Variants in TAFA1 observed in about 807,000 individuals in gnomAD.
TAFA1 encodes TAFA chemokine like family member 1.
A neutral mutation model predicts 18.5 loss-of-function variants in TAFA1; 4 were observed. The ratio of observed to expected loss-of-function variants is 0.22; its 90% CI spans 0.11 to 0.49. The LOEUF (loss-of-function observed/expected upper bound fraction) is 0.49, where lower values mean the gene tolerates loss of function less well. TAFA1 is among the 20% of genes least tolerant of loss of function. The pLI, the probability that TAFA1 is intolerant of heterozygous loss-of-function variation, is 0.98. For synonymous variants in TAFA1, 56 were observed against 55.2 expected, an observed-to-expected ratio of 1.01 and a Z score of -0.06; for missense variants, 147 against 169.0, an observed-to-expected ratio of 0.87 and a Z score of 0.72.
intron 2 of TAFA1, among the ~76,000 whole-genome samples, chr3:68,114,255 G>A (rs1016309740): frequency 5.9e-5 from 9 of 152,002 alleles, no homozygotes; most frequent in East Asian, 1.9e-4. Context: ...GAGTGAGGCC[G>A]TCCTAGACCA....
At chr3:68,370,472 G>GTATGTA (rs2069676552) in intron 2 of TAFA1, among the ~76,000 whole-genome samples, 1 of 33,044 alleles carries the variant, frequency 3.0e-5, no homozygotes, top group African/African-American at 1.3e-4. Context: ...GTGTGTGTGT[G>GTATGTA]TATATATATA....
intron 2 of TAFA1, among the ~76,000 whole-genome samples, chr3:68,267,352 G>A (rs1326092658): frequency 1.3e-5 from 2 of 152,106 alleles, no homozygotes; most frequent in Non-Finnish European, 2.9e-5. Flanking sequence ...TTCTACTTAG[G>A]TTCCATGGTT....
chr3:68,448,461 C>T (rs1040588708), intron 3 of TAFA1, among the ~76,000 whole-genome samples: 12 of 152,088 alleles, frequency 7.9e-5, no homozygotes, highest in Admixed American at 2.0e-4. Context: ...ATTAATACGA[C>T]GACTGTACTG....
At chr3:68,041,931 G>C (rs1044796555) in intron 2 of TAFA1, among the ~76,000 whole-genome samples, 7 of 151,000 alleles carry the variant, frequency 4.6e-5, no homozygotes, top group Non-Finnish European at 8.8e-5. Flanking sequence ...ACCTGGAGTA[G>C]AGATTGCAAA....
chr3:68,045,382 C>G (rs1441243061), intron 2 of TAFA1, among the ~76,000 whole-genome samples: 1 of 152,136 alleles, frequency 6.6e-6, no homozygotes, highest in African/African-American at 2.4e-5. Context: ...ACAAAGGTAT[C>G]TGGCAAAAGA....
chr3:68,403,291 A>G (rs1311931604), intron 2 of TAFA1, among the ~76,000 whole-genome samples: 1 of 152,214 alleles, frequency 6.6e-6, no homozygotes, highest in Admixed American at 6.5e-5. Flanking sequence ...ACTGTGTAGT[A>G]GACTGTATAG....
intron 3 of TAFA1, among the ~76,000 whole-genome samples, chr3:68,512,679 T>TG (rs2072866470): frequency 2.4e-5 from 2 of 82,926 alleles, no homozygotes; most frequent in African/African-American, 6.2e-5. Context: ...TTTTGCTGGT[T>TG]TTTTGTTTGT....
chr3:68,065,584 G>A (rs2064663607), intron 2 of TAFA1, among the ~76,000 whole-genome samples: 1 of 152,022 alleles, frequency 6.6e-6, no homozygotes, highest in Non-Finnish European at 1.5e-5. Context: ...TTTTGACTTA[G>A]AACTCACAAG....
intron 2 of TAFA1, among the ~76,000 whole-genome samples, chr3:68,279,548 T>C (rs2067860266): frequency 6.6e-6 from 1 of 152,156 alleles, no homozygotes; most frequent in Non-Finnish European, 1.5e-5. Flanking sequence ...AAGAGATTGA[T>C]GTAATAATAC....
At chr3:68,161,074 TTACTA>T (rs746658505) in intron 2 of TAFA1, among the ~76,000 whole-genome samples, 8 of 152,224 alleles carry the variant, frequency 5.3e-5, no homozygotes, top group Non-Finnish European at 1.0e-4. Context: ...ATAACTATAT[TTACTA>T]TACATATATG....
chr3:68,453,104 A>G (rs2071594770), intron 3 of TAFA1, among the ~76,000 whole-genome samples: 2 of 152,314 alleles, frequency 1.3e-5, no homozygotes, highest in South Asian at 4.2e-4. Context: ...ATTAATCTCC[A>G]GAGACATAAG....
rs140139653 is a variant in TAFA1 at position 68,258,306 on chromosome 3, G to T, written c.119-158974G>T. On this transcript the variant is annotated intron_variant, in intron 2 of 4. Transcript: ENST00000478136. ...CATTTTCCTTTAAATGGCTACATTG[G>T]TTTGGAAACCAGGGCTGACCTTTAG... 2.5e-3 allele frequency among the ~76,000 whole-genome samples: 380 copies of T among 152,214 alleles called. 2 individuals are homozygous for T. Among genetic ancestry groups the T allele is most frequent in the Middle Eastern group, 0.014 (4 of 294 alleles).
chr3:68,478,785 T>C (rs2072154251), intron 3 of TAFA1, among the ~76,000 whole-genome samples: 1 of 152,030 alleles, frequency 6.6e-6, no homozygotes, highest in Admixed American at 6.6e-5. Context: ...TTGAAAAAGG[T>C]ATGTGTTGTA....
At chr3:68,519,654 C>T (rs2072986686) in intron 3 of TAFA1, among the ~76,000 whole-genome samples, 1 of 152,142 alleles carries the variant, frequency 6.6e-6, no homozygotes, top group Admixed American at 6.5e-5. Context: ...GACCAAGTTG[C>T]CAGCATGGCC....
Position 68,233,183 on chromosome 3 carries a change from C to A in TAFA1, c.119-184097C>A, listed in dbSNP as rs192148061. On this transcript the variant is annotated intron_variant, in intron 2 of 4. Transcript: ENST00000478136. ...GAAATTTCTCTTCAGATACTTTGTC[C>A]ATTTTTTAATGAGTTTATTTAATTT... Among the ~76,000 whole-genome samples, 37 of 152,012 alleles carry A rather than the reference C, an allele frequency of 2.4e-4. No individual in the cohort carries two copies. The South Asian group carries it at 7.5e-3, about 31-fold the overall frequency.
intron 1 of TAFA1, among the ~76,000 whole-genome samples, chr3:68,005,972 C>G (rs1704349703): frequency 6.6e-6 from 1 of 152,102 alleles, no homozygotes; most frequent in African/African-American, 2.4e-5. Context: ...ACAATGGAAT[C>G]TTAGGAGGCT....
intron 2 of TAFA1, among the ~76,000 whole-genome samples, chr3:68,218,683 A>G (rs1575686816): frequency 6.6e-6 from 1 of 152,142 alleles, no homozygotes; most frequent in African/African-American, 2.4e-5. Flanking sequence ...AACTTGTAAG[A>G]AAGATCAAAA....
chr3:68,441,826 A>G (rs1356207208), intron 3 of TAFA1, among the ~76,000 whole-genome samples: 1 of 152,198 alleles, frequency 6.6e-6, no homozygotes, highest in African/African-American at 2.4e-5. Flanking sequence ...TGCAGGCACC[A>G]TCTGAAAGTG....
intron 2 of TAFA1, among the ~76,000 whole-genome samples, chr3:68,167,040 T>G (rs2065990616): frequency 6.6e-6 from 1 of 152,174 alleles, no homozygotes; most frequent in Non-Finnish European, 1.5e-5. Context: ...GCTGCCTCTT[T>G]TCGTCTTTAG....
Sources: gnomAD v4.1 joint callset for allele counts (sites outside exome capture counted in the v4.1 genomes callset) on GRCh38, gnomAD v4.1.1 for gene constraint, MANE v1.5 for transcripts, NCBI Gene and HGNC (gene_info 2026-07-23, HGNC 2026-07-21) for gene names.